Variants in LMNTD1 observed in about 807,000 individuals in gnomAD.
The protein encoded by LMNTD1 is lamin tail domain containing 1.
In LMNTD1, 35 loss-of-function variants were observed where a neutral mutation model predicts 50.9. The observed-to-expected ratio is 0.69, with a 90% CI of 0.53 to 0.91. The LOEUF is 0.91. LMNTD1 is among the 40% of genes least tolerant of loss of function. LMNTD1 has a pLI of 0.00. For missense variants in LMNTD1, 470 were observed against 475.5 expected (o/e 0.99, Z 0.11); for synonymous variants, 153 against 161.9 (o/e 0.94, Z 0.42).
At chr12:25,640,234 G>T (rs1946925091) in intron 1 of LMNTD1, among the ~76,000 whole-genome samples, 1 of 152,268 alleles carries the variant, frequency 6.6e-6, no homozygotes, top group Non-Finnish European at 1.5e-5. Flanking sequence ...AAGATTGGGT[G>T]CAGTGGCTCT....
intron 1 of LMNTD1, among the ~76,000 whole-genome samples, chr12:25,588,296 C>A (rs560385381): frequency 1.3e-5 from 2 of 152,018 alleles, no homozygotes; most frequent in Admixed American, 1.3e-4. Flanking sequence ...AAATGGGAGA[C>A]GTAAGTGGAA....
intron 1 of LMNTD1, among the ~76,000 whole-genome samples, chr12:25,570,732 G>C (rs16929062): frequency 0.058 from 8,861 of 152,160 alleles, 334 homozygotes; most frequent in South Asian, 0.13. Flanking sequence ...GTTCCTAGTG[G>C]ATCAATAATT....
chr12:25,638,618 A>C (rs568760595), intron 1 of LMNTD1, among the ~76,000 whole-genome samples: 33 of 152,212 alleles, frequency 2.2e-4, no homozygotes, highest in Non-Finnish European at 4.3e-4. Flanking sequence ...TTAGGACTAA[A>C]TTTAAAAAAA....
intron 1 of LMNTD1, among the ~76,000 whole-genome samples, chr12:25,564,672 C>G (rs192358693): frequency 6.6e-6 from 1 of 152,098 alleles, no homozygotes; most frequent in Admixed American, 6.5e-5. Flanking sequence ...TGAGAATGAT[C>G]CATGTGCTGA....
Position 25,625,956 on chromosome 12 carries a change from G to A in LMNTD1, c.58+22538C>T, listed in dbSNP as rs1012343099. Among the ~76,000 whole-genome samples, 10 of 152,268 alleles carry A rather than the reference G, an allele frequency of 6.6e-5. No individual in the cohort carries two copies. In the South Asian group the frequency reaches 8.3e-4, roughly 13 times the overall value. On this transcript the variant is annotated intron_variant, in intron 1 of 7. Coordinates refer to the LMNTD1 transcript ENST00000445693. ...AATGATTCAGGCCTCTTCACAAATC[G>A]GTTATTTCTTTTGTGGTTTTCTATA...
At chr12:25,574,967 T>C (rs993955377) in intron 1 of LMNTD1, among the ~76,000 whole-genome samples, 1 of 152,172 alleles carries the variant, frequency 6.6e-6, no homozygotes, top group African/African-American at 2.4e-5. Context: ...ATTACCTGGC[T>C]CTTTGAGAGG....
At chr12:25,600,386 G>A (rs539094369) in intron 1 of LMNTD1, among the ~76,000 whole-genome samples, 21 of 152,074 alleles carry the variant, frequency 1.4e-4, no homozygotes, top group African/African-American at 4.8e-4. Flanking sequence ...ACATTGGTCT[G>A]GGCAAAAATT....
rs1422643609 is a variant in LMNTD1 at position 25,518,863 on chromosome 12, G to A, written c.1121C>T (p.Thr374Ile). Reference sequence around the variant, plus strand: ...ATCCAATCTGCCTCCAGCGGTGGATGTATTGTGTGGTTCAATCAGAGGACA... The same window carrying A: ...ATCCAATCTGCCTCCAGCGGTGGATATATTGTGTGGTTCAATCAGAGGACA... ...PYCPLIEPHN[T>I]STAGGRLDRQ... Residue 374 changes from threonine (T) to isoleucine (I), a missense_variant, in exon 8 of 10, where the codon ACA becomes ATA. Thr to Ile is a moderately conservative substitution (Grantham distance 89, BLOSUM62 -1). Transcript: ENST00000458174. The A allele has an allele frequency of 1.2e-6, 2 of 1,614,154 alleles. No individual in the cohort carries two copies. The highest frequency in any genetic ancestry group is 8.5e-7 in the Non-Finnish European group (1 of 1,180,022).
At chr12:25,480,041 G>A (rs1938397359) in intron 9 of LMNTD1, among the ~76,000 whole-genome samples, 1 of 152,148 alleles carries the variant, frequency 6.6e-6, no homozygotes, top group South Asian at 2.1e-4. Flanking sequence ...GAGGCTGAGT[G>A]GTGTCCACAG....
chr12:25,619,968 C>A (rs1162030541), intron 1 of LMNTD1, among the ~76,000 whole-genome samples: 1 of 152,130 alleles, frequency 6.6e-6, no homozygotes, highest in Non-Finnish European at 1.5e-5. Context: ...CAAGGGAATC[C>A]TTTGAACTTA....
chr12:25,527,640 C>CTATATATA lies in LMNTD1; in HGVS notation c.492-693_492-686dup, dbSNP rs61347000. On this transcript the variant is annotated intron_variant, in intron 4 of 9. Coordinates refer to ENST00000458174, the MANE Select transcript of LMNTD1 (RefSeq NM_001145728.2). ...CTTATATGCCAGGCACTTAATAACA[C>CTATATATA]TATATATATATATATATATATATAT... is the stretch of plus-strand genomic sequence containing the variant. Among the ~76,000 whole-genome samples, 212 of 61,118 alleles carry CTATATATA rather than the reference C, an allele frequency of 3.5e-3. 1 individual carries two copies. The highest frequency in any genetic ancestry group is 8.8e-3 in the Middle Eastern group (1 of 114). The allele number at this position is 61,118 out of a possible 152,430, so 40.1% of individuals were successfully genotyped here.
upstream of LMNTD1, among the ~76,000 whole-genome samples, chr12:25,556,130 G>A (rs889857400): frequency 7.9e-5 from 12 of 151,870 alleles, no homozygotes; most frequent in East Asian, 9.7e-4. Context: ...GTGCCACCAC[G>A]CCCGGCCAAT....
intron 1 of LMNTD1, among the ~76,000 whole-genome samples, chr12:25,633,598 A>G (rs756158235): frequency 6.6e-6 from 1 of 152,234 alleles, no homozygotes; most frequent in Non-Finnish European, 1.5e-5. Context: ...AATGAAATCA[A>G]GATGTAAATC....
intron 1 of LMNTD1, among the ~76,000 whole-genome samples, chr12:25,622,389 T>C (rs373873394): frequency 1.3e-5 from 2 of 151,146 alleles, no homozygotes; most frequent in South Asian, 2.1e-4. Flanking sequence ...GCAGAGTTCA[T>C]GCATGACCCA....
At chr12:25,536,995 C>T (rs1158134355) in intron 4 of LMNTD1, among the ~76,000 whole-genome samples, 2 of 152,220 alleles carry the variant, frequency 1.3e-5, no homozygotes, top group East Asian at 3.9e-4. Flanking sequence ...GGGTCACTCC[C>T]ACCCGAATAC....
intron 1 of LMNTD1, among the ~76,000 whole-genome samples, chr12:25,623,242 C>T (rs1260046536): frequency 6.6e-6 from 1 of 151,912 alleles, no homozygotes; most frequent in East Asian, 1.9e-4. Flanking sequence ...TTACATTAAA[C>T]TCATAAACTG....
chr12:25,519,716 C>G (rs1283413252), intron 7 of LMNTD1, 142 bp downstream of exon 7: 2 of 586,688 alleles, frequency 3.4e-6, no homozygotes, highest in African/African-American at 3.8e-5. Flanking sequence ...CCTATGAGTT[C>G]TATTCAAAAT....
chr12:25,510,512 T>G (rs1417308574), intron 8 of LMNTD1, among the ~76,000 whole-genome samples: 1 of 152,136 alleles, frequency 6.6e-6, no homozygotes. Context: ...TTGCCATTAT[T>G]TATTTAAATA....
chr12:25,565,597 G>A (rs1039937342), intron 1 of LMNTD1, among the ~76,000 whole-genome samples: 4 of 152,052 alleles, frequency 2.6e-5, no homozygotes, highest in African/African-American at 7.2e-5. Flanking sequence ...TCATCCTTTA[G>A]TCCTTCTACG....
Sources: gnomAD v4.1 joint callset for allele counts (sites outside exome capture counted in the v4.1 genomes callset) on GRCh38, gnomAD v4.1.1 for gene constraint, MANE v1.5 for transcripts, NCBI Gene and HGNC (gene_info 2026-07-23, HGNC 2026-07-21) for gene names.